Variants in AKT3 observed in about 807,000 individuals in gnomAD.
AKT3 encodes AKT serine/threonine kinase 3.
Under a neutral mutation model 65.3 loss-of-function variants are expected in AKT3, and 15 were observed. The ratio of observed to expected loss-of-function variants is 0.23; its 90% CI spans 0.15 to 0.35. The LOEUF (loss-of-function observed/expected upper bound fraction) is 0.35, where lower values mean the gene tolerates loss of function less well. Among genes scored for constraint, AKT3 ranks in the 10% least tolerant of loss-of-function variants. The probability of loss-of-function intolerance (pLI) is 1.00; values close to 1 mark genes in which losing one functional copy is unlikely to be tolerated. For synonymous variants in AKT3, 206 were observed against 183.8 expected, an observed-to-expected ratio of 1.12 and a Z score of -0.98; for missense variants, 243 against 576.5, an observed-to-expected ratio of 0.42 and a Z score of 5.92.
At chr1:243,581,444 T>C (rs972332622) in intron 8 of AKT3, among the ~76,000 whole-genome samples, 1 of 151,470 alleles carries the variant, frequency 6.6e-6, no homozygotes, top group African/African-American at 2.4e-5. Flanking sequence ...CAAAATAAAA[T>C]TGGCCAAAAG....
chr1:243,540,276 G>T (rs899273742), intron 12 of AKT3, among the ~76,000 whole-genome samples: 3 of 151,724 alleles, frequency 2.0e-5, no homozygotes, highest in African/African-American at 7.3e-5. Flanking sequence ...GGAATGCAAG[G>T]TTCACTCAAC....
chr1:243,638,745 T>C (rs1432537033), intron 5 of AKT3, among the ~76,000 whole-genome samples: 1 of 151,492 alleles, frequency 6.6e-6, no homozygotes, highest in Non-Finnish European at 1.5e-5. Context: ...CTTTTATAAC[T>C]TTTTTTTTCT....
At chr1:243,655,746 T>C (rs897104854) in intron 4 of AKT3, among the ~76,000 whole-genome samples, 14 of 152,128 alleles carry the variant, frequency 9.2e-5, no homozygotes, top group African/African-American at 3.4e-4. Context: ...AAGCTACCAA[T>C]ACCAAAATGT....
At chr1:243,752,934 T>A (rs1385406663) in intron 2 of AKT3, among the ~76,000 whole-genome samples, 1 of 152,200 alleles carries the variant, frequency 6.6e-6, no homozygotes, top group Non-Finnish European at 1.5e-5. Flanking sequence ...AGCAGACATC[T>A]GAAGTGGGCA....
chr1:243,703,630 G>A lies in AKT3; in HGVS notation c.47-7914C>T, dbSNP rs371216219. ...AAAAATTAGCCGGGCGTGGTGGCGG[G>A]GCCCTTATAATCCCAGCTACTCGGG... On this transcript the variant is annotated intron_variant, in intron 2 of 13. Coordinates refer to ENST00000673466, the MANE Select transcript of AKT3 (RefSeq NM_005465.7). 1.1e-3 allele frequency among the ~76,000 whole-genome samples: 165 copies of A among 151,452 alleles called. 2 individuals carry two copies. The highest frequency in any genetic ancestry group is 3.7e-3 in the African/African-American group (151 of 41,290).
chr1:243,807,402 G>A (rs573306332), intron 2 of AKT3, among the ~76,000 whole-genome samples: 4 of 152,172 alleles, frequency 2.6e-5, no homozygotes, highest in Non-Finnish European at 4.4e-5. Flanking sequence ...TGCCTGGCTC[G>A]GAGGGTCCTA....
At chr1:243,786,570 T>C (rs917407073) in intron 2 of AKT3, among the ~76,000 whole-genome samples, 2 of 152,198 alleles carry the variant, frequency 1.3e-5, no homozygotes, top group Admixed American at 1.3e-4. Context: ...AAAAGTTAAC[T>C]AGTAAGTTCA....
At chr1:243,697,921 G>A (rs1207347054) in intron 2 of AKT3, among the ~76,000 whole-genome samples, 2 of 151,592 alleles carry the variant, frequency 1.3e-5, no homozygotes, top group Non-Finnish European at 1.5e-5. Flanking sequence ...TAGAGGATAC[G>A]TAGATCAGTA....
At chr1:243,588,557 A>T (rs917019192) in intron 8 of AKT3, among the ~76,000 whole-genome samples, 1 of 152,206 alleles carries the variant, frequency 6.6e-6, no homozygotes, top group Non-Finnish European at 1.5e-5. Flanking sequence ...TAATCAATGG[A>T]AGAGAATCAA....
At position 243,849,570 on chromosome 1, in the gene AKT3, AC is replaced by A. The variant is rs1695669926; in HGVS notation, c.-113+469del. ...CTCCCCCCAACCCAAACACACTGACACCGGCGCTCCACGCGTTATATAACCT... is the reference window on the plus strand; with the variant it reads ...CTCCCCCCAACCCAAACACACTGACACGGCGCTCCACGCGTTATATAACCT... On this transcript the variant is annotated intron_variant, in intron 1 of 13. Transcript: ENST00000673466. 4.0e-5 allele frequency among the ~76,000 whole-genome samples: 6 copies of A among 149,866 alleles called. No individual in the cohort carries two copies. The South Asian group carries it at 1.3e-3, about 32-fold the overall frequency.
intron 13 of AKT3, among the ~76,000 whole-genome samples, chr1:243,491,972 A>G (rs1247479016): frequency 2.0e-5 from 3 of 152,144 alleles, no homozygotes; most frequent in Non-Finnish European, 1.5e-5. Flanking sequence ...GGGTCGGGCA[A>G]TGGTTCCAAA....
chr1:243,585,465 G>A (rs1206247084), intron 8 of AKT3, among the ~76,000 whole-genome samples: 1 of 151,804 alleles, frequency 6.6e-6, no homozygotes, highest in Non-Finnish European at 1.5e-5. Flanking sequence ...AAAGCTAGAG[G>A]TATCAAATTA....
intron 8 of AKT3, among the ~76,000 whole-genome samples, chr1:243,609,899 G>A (rs927217879): frequency 2.0e-5 from 3 of 152,000 alleles, no homozygotes; most frequent in African/African-American, 2.4e-5. Context: ...GCCAGGTAGC[G>A]CCCTCTAGGA....
intron 13 of AKT3, among the ~76,000 whole-genome samples, chr1:243,510,144 G>A (rs1669926830): frequency 6.6e-6 from 1 of 152,184 alleles, no homozygotes; most frequent in Non-Finnish European, 1.5e-5. Context: ...GGCTGAGACT[G>A]AGGAAAGAGA....
At chr1:243,526,699 C>T (rs1671107937) in intron 12 of AKT3, among the ~76,000 whole-genome samples, 1 of 138,018 alleles carries the variant, frequency 7.2e-6, no homozygotes, top group Non-Finnish European at 1.5e-5. Context: ...TAAAAATATC[C>T]TTTAAGAATG....
chr1:243,585,824 G>C (rs931514384), intron 8 of AKT3, among the ~76,000 whole-genome samples: 1 of 152,062 alleles, frequency 6.6e-6, no homozygotes, highest in Non-Finnish European at 1.5e-5. Flanking sequence ...CTTGACATTG[G>C]CACTGGAAAA....
intron 8 of AKT3, among the ~76,000 whole-genome samples, chr1:243,608,454 G>A (rs970325239): frequency 3.3e-5 from 5 of 152,102 alleles, no homozygotes; most frequent in African/African-American, 9.7e-5. Context: ...TTTCAGCGAG[G>A]CCACTAAAGG....
At chr1:243,691,832 A>C (rs560874246) in intron 3 of AKT3, among the ~76,000 whole-genome samples, 1 of 152,312 alleles carries the variant, frequency 6.6e-6, no homozygotes, top group South Asian at 2.1e-4. Context: ...TGTGGGAGTA[A>C]GCTGCACACA....
Position 243,620,461 on chromosome 1 carries a change from A to G in AKT3, c.562-5300T>C, listed in dbSNP as rs61833201. ...ACACACTTTTACAAATTAAACAATG[A>G]TTACCAGTGATTATTATTTACTTTT... On this transcript the variant is annotated intron_variant, in intron 6 of 13. Coordinates refer to ENST00000673466, the MANE Select transcript of AKT3 (RefSeq NM_005465.7). Among the ~76,000 whole-genome samples the G allele has an allele frequency of 7.6e-3, 325 of 42,790 alleles. 116 individuals carry two copies. Among genetic ancestry groups the G allele is most frequent in the Non-Finnish European group, 0.026 (206 of 7,848 alleles). The allele number at this position is 42,790 out of a possible 152,430, so 28.1% of individuals were successfully genotyped here.
Sources: gnomAD v4.1 joint callset for allele counts (sites outside exome capture counted in the v4.1 genomes callset) on GRCh38, gnomAD v4.1.1 for gene constraint, MANE v1.5 for transcripts, NCBI Gene and HGNC (gene_info 2026-07-23, HGNC 2026-07-21) for gene names.